Variants in ZBTB20 observed in about 807,000 individuals in gnomAD.
ZBTB20 encodes the protein zinc finger and BTB domain containing 20.
ZBTB20 carries 9 observed loss-of-function variants against 56.9 expected under a neutral mutation model. The ratio of observed to expected loss-of-function variants is 0.16; its 90% CI spans 0.10 to 0.28. The LOEUF (loss-of-function observed/expected upper bound fraction) is 0.28. Ranked by LOEUF, ZBTB20 falls within the 10% of genes least tolerant of loss-of-function variation. The pLI is 1.00. For synonymous variants in ZBTB20, 417 were observed against 420.7 expected (o/e 0.99, Z 0.11); for missense variants, 655 against 1,003.0 (o/e 0.65, Z 4.69).
chr3:114,962,310 T>C (rs575098355), intron 3 of ZBTB20, among the ~76,000 whole-genome samples: 3 of 152,234 alleles, frequency 2.0e-5, no homozygotes, highest in African/African-American at 7.2e-5. Flanking sequence ...GTATATGGGA[T>C]TTGGTTCCAA....
intron 11 of ZBTB20, among the ~76,000 whole-genome samples, chr3:114,341,058 C>T (rs1448739534): frequency 6.6e-6 from 1 of 152,164 alleles, no homozygotes; most frequent in African/African-American, 2.4e-5. Flanking sequence ...TAAACTTTCT[C>T]TCATCAGGAA....
chr3:114,519,887 A>C (rs138818246), intron 6 of ZBTB20: 1 of 152,296 alleles, frequency 6.6e-6, no homozygotes, highest in Non-Finnish European at 1.5e-5. Flanking sequence ...TGTCAGGAAA[A>C]TTTCAAGTAT....
chr3:114,597,766 T>C (rs1354845373), intron 6 of ZBTB20, among the ~76,000 whole-genome samples: 1 of 152,182 alleles, frequency 6.6e-6, no homozygotes, highest in Non-Finnish European at 1.5e-5. Flanking sequence ...CTGTTTTGGA[T>C]ACATGGGACT....
At chr3:115,077,341 T>C (rs1016797982) in intron 1 of ZBTB20, among the ~76,000 whole-genome samples, 3 of 152,168 alleles carry the variant, frequency 2.0e-5, no homozygotes, top group Admixed American at 6.5e-5. Context: ...GATTAAATCA[T>C]GAAGGCAGAT....
intron 6 of ZBTB20, among the ~76,000 whole-genome samples, chr3:114,642,673 C>T (rs1376874313): frequency 6.6e-6 from 1 of 152,056 alleles, no homozygotes; most frequent in African/African-American, 2.4e-5. Context: ...GCAAGCTAAT[C>T]AAGCTTGCAA....
At chr3:114,627,783 C>T (rs550706481) in intron 6 of ZBTB20, among the ~76,000 whole-genome samples, 1 of 152,248 alleles carries the variant, frequency 6.6e-6, no homozygotes, top group Admixed American at 6.5e-5. Context: ...ACAAATCATC[C>T]GTTTCCTCTT....
At chr3:114,737,258 T>G (rs2108573083) in intron 5 of ZBTB20, among the ~76,000 whole-genome samples, 1 of 152,324 alleles carries the variant, frequency 6.6e-6, no homozygotes, top group Non-Finnish European at 1.5e-5. Context: ...AACATTTTTT[T>G]GAAAATTTGG....
At chr3:114,452,418 C>T (rs1466259987) in intron 7 of ZBTB20, among the ~76,000 whole-genome samples, 1 of 152,134 alleles carries the variant, frequency 6.6e-6, no homozygotes, top group Non-Finnish European at 1.5e-5. Flanking sequence ...GCCAAAAGTT[C>T]CCCTACTTCT....
intron 3 of ZBTB20, 30 bp from the exon 4 acceptor site, chr3:114,900,372 A>C (rs1222496985): frequency 7.1e-6 from 1 of 141,014 alleles, no homozygotes; most frequent in East Asian, 2.1e-4. Context: ...TATAAGTAAA[A>C]ATTAATTTAC....
chr3:114,445,281 T>C (rs561818118), intron 7 of ZBTB20, among the ~76,000 whole-genome samples: 1 of 152,192 alleles, frequency 6.6e-6, no homozygotes, highest in African/African-American at 2.4e-5. Flanking sequence ...ACTGTCCATA[T>C]TTAGAATTGA....
intron 6 of ZBTB20, among the ~76,000 whole-genome samples, chr3:114,655,534 G>A (rs1412380581): frequency 6.6e-6 from 1 of 151,254 alleles, no homozygotes; most frequent in Non-Finnish European, 1.5e-5. Flanking sequence ...TTACAGGCGT[G>A]AGCCACCGCG....
intron 10 of ZBTB20, among the ~76,000 whole-genome samples, chr3:114,373,411 G>A (rs1560156868): frequency 6.6e-6 from 1 of 152,150 alleles, no homozygotes; most frequent in Non-Finnish European, 1.5e-5. Context: ...TTAAAATGAG[G>A]CAAAGTATAA....
At chr3:114,806,505 A>C (rs1260402404) in intron 4 of ZBTB20, among the ~76,000 whole-genome samples, 1 of 151,904 alleles carries the variant, frequency 6.6e-6, no homozygotes, top group Non-Finnish European at 1.5e-5. Flanking sequence ...TCAGATTATG[A>C]TTTGCAAATC....
At chr3:114,547,295 T>C (rs2110160401) in intron 6 of ZBTB20, among the ~76,000 whole-genome samples, 1 of 152,164 alleles carries the variant, frequency 6.6e-6, no homozygotes, top group South Asian at 2.1e-4. Flanking sequence ...CTTAAAAAAA[T>C]TGTTTTGTGA....
chr3:114,928,179 C>T (rs983674417), intron 3 of ZBTB20, among the ~76,000 whole-genome samples: 3 of 152,196 alleles, frequency 2.0e-5, no homozygotes, highest in South Asian at 4.1e-4. Context: ...GTTTTATCTC[C>T]GTCTTCCACT....
At chr3:115,061,083 G>C (rs2108476289) in intron 2 of ZBTB20, among the ~76,000 whole-genome samples, 1 of 152,226 alleles carries the variant, frequency 6.6e-6, no homozygotes, top group East Asian at 1.9e-4. Flanking sequence ...TGGAGCAAAA[G>C]TCCTTAGGTT....
intron 7 of ZBTB20, chr3:114,453,507 T>C (rs1015436238): frequency 6.6e-6 from 1 of 152,154 alleles, no homozygotes; most frequent in African/African-American, 2.4e-5. Context: ...TTTACCCAAG[T>C]GGCAAAAGTA....
At chr3:114,369,740 A>G (rs1439781405) in intron 10 of ZBTB20, among the ~76,000 whole-genome samples, 1 of 152,232 alleles carries the variant, frequency 6.6e-6, no homozygotes, top group East Asian at 1.9e-4. Context: ...AGAACAACAC[A>G]TAGGTTTGTT....
intron 1 of ZBTB20, among the ~76,000 whole-genome samples, chr3:115,108,371 A>T (rs1448023201): frequency 6.6e-6 from 1 of 152,224 alleles, no homozygotes; most frequent in African/African-American, 2.4e-5. Context: ...AGAGTGAGGC[A>T]TGAATATTTC....
Sources: allele counts gnomAD v4.1 joint callset (sites outside exome capture counted in the v4.1 genomes callset), GRCh38; gene constraint gnomAD v4.1.1; transcripts MANE v1.5; gene names NCBI Gene and HGNC (gene_info 2026-07-23, HGNC 2026-07-21).